Variants in CTSA observed in about 807,000 individuals in gnomAD.
CTSA encodes the protein lysosomal protective protein.
In CTSA, 42 loss-of-function variants were observed where a neutral mutation model predicts 66.7. The observed-to-expected ratio is 0.63, with a 90% confidence interval of 0.49 to 0.81. The LOEUF (loss-of-function observed/expected upper bound fraction) is 0.81, where lower values mean the gene tolerates loss of function less well. CTSA is among the 40% of genes least tolerant of loss of function. The probability of loss-of-function intolerance (pLI) is 0.00; values close to 1 mark genes in which losing one functional copy is unlikely to be tolerated. For synonymous variants in CTSA, 225 were observed against 248.6 expected, an observed-to-expected ratio of 0.91 and a Z score of 0.89; for missense variants, 525 against 610.9, an observed-to-expected ratio of 0.86 and a Z score of 1.48.
At chr20:45,893,462 A>G in intron 7 of CTSA, 151 bp downstream of exon 7, 1 of 661,540 alleles carries the variant, frequency 1.5e-6, no homozygotes, top group Non-Finnish European at 2.7e-6. Context: ...AGGCCAAAGA[A>G]TAGAGATCAG....
rs369254598 is a variant in CTSA, at chr20:45,898,372, C to T, written c.1365C>T (p.Ala455=). The part of the protein sequence containing the change: ...SHIAFLTIKG[A]GHMVPTDKPL... Reference sequence around the variant, plus strand: ...TCACGAACATTGCTCCTCAGGGCGCCGGCCACATGGTTCCCACCGACAAGC... The same window carrying T: ...TCACGAACATTGCTCCTCAGGGCGCTGGCCACATGGTTCCCACCGACAAGC... Residue 455 remains alanine (A), a synonymous_variant, in exon 15 of 15, where the codon GCC becomes GCT. Coordinates refer to ENST00000646241, the MANE Select transcript of CTSA (RefSeq NM_000308.4). This position sits in a 1 kb window ranked among gnomAD's most constrained non-coding sequence, Gnocchi z 4.6. 21 of 1,613,598 alleles carry T rather than the reference C, an allele frequency of 1.3e-5. No individual in the cohort carries two copies. The East Asian group carries it at 3.3e-4, about 26-fold the overall frequency.
At chr20:45,897,103 C>A in intron 12 of CTSA, 63 bp downstream of exon 12, 1 of 1,310,812 alleles carries the variant, frequency 7.6e-7, no homozygotes, top group Non-Finnish European at 1.1e-6. Flanking sequence ...GCACAGCAAG[C>A]TGGGGGCCCT....
In CTSA at chr20:45,898,540, G is replaced by A; in HGVS notation, c.*90G>A. On this transcript the variant is annotated 3_prime_UTR_variant, in exon 15 of 15. Transcript: ENST00000646241. This position sits in a 1 kb window ranked among gnomAD's most constrained non-coding sequence, Gnocchi z 4.6. Reference sequence around the variant, plus strand: ...CTCTTCTAAGCAAAGTGCCCCTGCAGGCCGGGTTCTGCCGCCAGGACTGCC... The same window carrying A: ...CTCTTCTAAGCAAAGTGCCCCTGCAAGCCGGGTTCTGCCGCCAGGACTGCC... 3 of 1,316,092 alleles carry A rather than the reference G, an allele frequency of 2.3e-6. No individual in the cohort carries two copies. Among genetic ancestry groups the A allele is most frequent in the Non-Finnish European group, 1.1e-6 (1 of 933,828 alleles). 81.5% of individuals were successfully genotyped at this position (1,316,092 alleles called of 1,614,324 possible). A position where few individuals can be genotyped will look rare whatever the true frequency, so the allele number is the denominator to read the frequency against.
rs749819661 is a variant in CTSA at position 45,891,621 on chromosome 20, T to G, written c.53T>G (p.Leu18Arg). 5 of 1,580,516 alleles carry G rather than the reference T, an allele frequency of 3.2e-6. No homozygotes were observed. In the East Asian group the frequency reaches 1.5e-4, roughly 47 times the overall value. ...TTCCTGCTGCTGCTGCTGCTGCTGC[T>G]GCTAGTGTCCTGGGCGTCCCGAGGC... ...PLFLLLLLLL[L>R]LVSWASRGEA... Residue 18 changes from leucine to arginine, a missense_variant, in exon 2 of 15, where the codon CTG becomes CGG. Coordinates refer to ENST00000646241, the MANE Select transcript of CTSA (RefSeq NM_000308.4). The surrounding 1 kb of genome is among the most constrained non-coding windows in gnomAD (Gnocchi z 4.6).
chr20:45,898,602 A>T lies in CTSA; in HGVS notation c.*152A>T, dbSNP rs2083140255. 2.5e-5 allele frequency: 20 copies of T among 813,008 alleles called. No individual in the cohort carries two copies. The highest frequency in any genetic ancestry group is 3.7e-5 in the Non-Finnish European group (18 of 488,128). The allele number at this position is 813,008 out of a possible 1,614,324, so 50.4% of individuals were successfully genotyped here. On this transcript the variant is annotated 3_prime_UTR_variant, in exon 15 of 15. Coordinates refer to ENST00000646241, the MANE Select transcript of CTSA (RefSeq NM_000308.4). The surrounding 1 kb of genome is among the most constrained non-coding windows in gnomAD (Gnocchi z 4.6). ...GCCCTGTACATCCCAGACTGGGCCC[A>T]GGGTCTCCCATAGACAGCCTGGGGG...
chr20:45,893,351 A>G, intron 7 of CTSA, 40 bp downstream of exon 7: 1 of 1,467,482 alleles, frequency 6.8e-7, no homozygotes, highest in Non-Finnish European at 9.6e-7. Flanking sequence ...GGGGTGAGGC[A>G]GGTCACATGA....
chr20:45,893,361 A>G lies in CTSA; in HGVS notation c.692+50A>G, dbSNP rs552271924. ...TCTCTGGGGTGAGGCAGGTCACATG[A>G]TCTCAGGTCTGTCCTCCAGGCACAT... On this transcript the variant is annotated intron_variant, in intron 7 of 14. Coordinates refer to ENST00000646241, the MANE Select transcript of CTSA (RefSeq NM_000308.4). 2.1e-6 allele frequency: 3 copies of G among 1,399,648 alleles called. No homozygotes were observed. The African/African-American group carries it at 4.2e-5, about 20-fold the overall frequency. 86.7% of individuals were successfully genotyped at this position (1,399,648 alleles called of 1,614,324 possible).
intron 11 of CTSA, chr20:45,896,248 C>CCCG (rs1555833333): frequency 1.1e-4 from 17 of 151,100 alleles, no homozygotes; most frequent in African/African-American, 4.0e-4. Flanking sequence ...GTGGCCACCC[C>CCCG]CCCCCACAAC....
At chr20:45,893,168 G>A (rs1939327680) in intron 6 of CTSA, 52 bp from the exon 7 acceptor site, 2 of 1,480,202 alleles carry the variant, frequency 1.4e-6, no homozygotes, top group Admixed American at 3.3e-5. Flanking sequence ...GGGTGAGGGA[G>A]GCTCTTCCTT....
rs2145815279 is a variant in CTSA at position 45,892,465 on chromosome 20, A to G, written c.425A>G (p.Tyr142Cys). Residue 142 changes from tyrosine to cysteine, a missense_variant, in exon 5 of 15, where the codon TAT becomes TGT. Tyr to Cys is a radical substitution (Grantham distance 194). Coordinates refer to ENST00000646241, the MANE Select transcript of CTSA (RefSeq NM_000308.4). ...VGFSYSDDKF[Y>C]ATNDTEVAQS... ...TTCTCCTACTCCGATGACAAGTTTT[A>G]TGCAACTAATGACACTGAGGTGAGT... 1.2e-6 allele frequency: 2 copies of G among 1,614,054 alleles called. No homozygotes were observed. The highest frequency in any genetic ancestry group is 1.7e-6 in the Non-Finnish European group (2 of 1,179,998).
intron 12 of CTSA, chr20:45,897,340 A>G: frequency 1.9e-6 from 1 of 513,858 alleles, no homozygotes; most frequent in Non-Finnish European, 3.5e-6. Flanking sequence ...ACCTTGCACA[A>G]GGTGATATAG....
chr20:45,892,071 G>C (rs1189624905), intron 3 of CTSA, 44 bp downstream of exon 3: 2 of 1,566,138 alleles, frequency 1.3e-6, no homozygotes, highest in East Asian at 2.2e-5. Context: ...AAAGTAAAAG[G>C]CTGGGGAAAG....
Position 45,898,129 on chromosome 20 carries a change from A to G in CTSA, c.1359+20A>G, listed in dbSNP as rs747297710. The stretch of plus-strand genomic sequence containing the variant: ...ATCAAGGTAGGGACTGGGCCTGCTG[A>G]GAGATAACTGGGCCGGAGGCAAAGG... On this transcript the variant is annotated intron_variant, in intron 14 of 14. Coordinates refer to ENST00000646241, the MANE Select transcript of CTSA (RefSeq NM_000308.4). This position sits in a 1 kb window ranked among gnomAD's most constrained non-coding sequence, Gnocchi z 4.6. 6.2e-7 allele frequency: 1 copy of G among 1,608,820 alleles called. No homozygotes were observed. Among genetic ancestry groups the G allele is most frequent in the East Asian group, 2.2e-5 (1 of 44,840 alleles).
At position 45,898,326 on chromosome 20, in the gene CTSA, G is replaced by A. The variant is rs993844831; in HGVS notation, c.1360-41G>A. The A allele has an allele frequency of 6.4e-7, 1 of 1,552,508 alleles. No individual in the cohort carries two copies. The highest frequency in any genetic ancestry group is 8.9e-7 in the Non-Finnish European group (1 of 1,127,774). Reference sequence around the variant, plus strand: ...CGAGTGAGCAGTTATATGGGGAGGAGGGAATGGTGGGGTCAGGAGCTCACG... The same window carrying A: ...CGAGTGAGCAGTTATATGGGGAGGAAGGAATGGTGGGGTCAGGAGCTCACG... On this transcript the variant is annotated intron_variant, in intron 14 of 14. Coordinates refer to ENST00000646241, the MANE Select transcript of CTSA (RefSeq NM_000308.4). The surrounding 1 kb of genome is among the most constrained non-coding windows in gnomAD (Gnocchi z 4.6).
At position 45,891,470 on chromosome 20, in the gene CTSA, C is replaced by T. The variant is rs780220124; in HGVS notation, c.-1+91C>T. ...CGCGGGTGGGAGCTGGCGCTGGGGC[C>T]GGGGCTTCCCTCGCGGAGGCGCCGC... On this transcript the variant is annotated intron_variant, in intron 1 of 14. Transcript: ENST00000646241. This position sits in a 1 kb window ranked among gnomAD's most constrained non-coding sequence, Gnocchi z 4.6. 2.1e-5 allele frequency: 33 copies of T among 1,546,352 alleles called. No individual in the cohort carries two copies. The highest frequency in any genetic ancestry group is 2.7e-5 in the Non-Finnish European group (31 of 1,145,684).
Position 45,894,077 on chromosome 20 carries a change from G to C in CTSA, c.777+5G>C. 6.3e-7 allele frequency: 1 copy of C among 1,593,806 alleles called. No homozygotes were observed. Among genetic ancestry groups the C allele is most frequent in the Non-Finnish European group, 8.6e-7 (1 of 1,161,718 alleles). ...GACCTGGAATGCGTGACCAATGTGA[G>C]GTTCTGCCATCACTTTGCATGAGCT... On this transcript the variant is annotated splice_donor_5th_base_variant and intron_variant, in intron 8 of 14. Coordinates refer to ENST00000646241, the MANE Select transcript of CTSA (RefSeq NM_000308.4).
At chr20:45,897,911 G>A in intron 13 of CTSA, 94 bp from the exon 14 acceptor site, 1 of 1,540,288 alleles carries the variant, frequency 6.5e-7, no homozygotes, top group Non-Finnish European at 9.0e-7. Context: ...CCCACAGAGG[G>A]CAAGTGTGGA....
At chr20:45,896,455 G>C (rs1269738246) in intron 11 of CTSA, 4 of 181,518 alleles carry the variant, frequency 2.2e-5, no homozygotes, top group Non-Finnish European at 3.5e-5. Flanking sequence ...TTTTTTTTGA[G>C]ATGGAGTCTT....
chr20:45,895,067 TCAA>T lies in CTSA; in HGVS notation c.1027_1029del (p.Asn343del). ...AACACAACAGCTGCTTCCACCTACC[TCAA>T]CAACCCGTACGTGCGGAAGGCCCTC... On this transcript the variant is annotated inframe_deletion, in exon 11 of 15. Transcript: ENST00000646241. 1 of 1,614,074 alleles carries T rather than the reference TCAA, an allele frequency of 6.2e-7. No homozygotes were observed. The highest frequency in any genetic ancestry group is 8.5e-7 in the Non-Finnish European group (1 of 1,179,992).
Sources: gnomAD v4.1 joint callset for allele counts on GRCh38, gnomAD v4.1.1 for gene constraint, Gnocchi (gnomAD v3.1) non-coding constraint, MANE v1.5 for transcripts, NCBI Gene and HGNC (gene_info 2026-07-23, HGNC 2026-07-21) for gene names.